SHMT1: variants seen among roughly 807,000 people sequenced by gnomAD.
The protein encoded by SHMT1 is serine hydroxymethyltransferase 1.
A neutral mutation model predicts 49.0 loss-of-function variants in SHMT1; 45 were observed. That is an observed-to-expected ratio of 0.92 (90% CI 0.72 to 1.18). SHMT1 has a LOEUF of 1.18. Ranked by LOEUF, SHMT1 falls within the 50% of genes most tolerant of loss-of-function variation. The pLI is 0.00. For missense variants in SHMT1, 541 were observed against 612.4 expected (o/e 0.88, Z 1.23); for synonymous variants, 232 against 246.6 (o/e 0.94, Z 0.55).
chr17:18,348,199 C>T (rs762441672), intron 4 of SHMT1, 126 bp downstream of exon 4: 47 of 734,720 alleles, frequency 6.4e-5, no homozygotes, highest in South Asian at 6.1e-4. Flanking sequence ...GGATTACAGG[C>T]GTGAGCCACT....
At chr17:18,355,271 G>A (rs1257842680) in intron 2 of SHMT1, among the ~76,000 whole-genome samples, 3 of 145,348 alleles carry the variant, frequency 2.1e-5, no homozygotes, top group East Asian at 2.1e-4. Context: ...TCAGGAGGCT[G>A]AGGCAGGAGA....
At chr17:18,339,674 C>T (rs1224120168) in intron 7 of SHMT1, among the ~76,000 whole-genome samples, 1 of 152,172 alleles carries the variant, frequency 6.6e-6, no homozygotes, top group Non-Finnish European at 1.5e-5. Context: ...CATTCTCCTG[C>T]CTTCGCCTCC....
chr17:18,361,406 A>G (rs1438914271), intron 1 of SHMT1, among the ~76,000 whole-genome samples: 2 of 150,252 alleles, frequency 1.3e-5, no homozygotes, highest in Non-Finnish European at 3.0e-5. Context: ...TGAACCAGTG[A>G]GGTAGAGATT....
At chr17:18,329,862 GT>G (rs963117083) in intron 10 of SHMT1, among the ~76,000 whole-genome samples, 1 of 151,420 alleles carries the variant, frequency 6.6e-6, no homozygotes, top group Non-Finnish European at 1.5e-5. Context: ...TCCATTTTTT[GT>G]TTTTGTTTTT....
chr17:18,344,922 G>A (rs1446331783), intron 5 of SHMT1, among the ~76,000 whole-genome samples: 1 of 152,234 alleles, frequency 6.6e-6, no homozygotes, highest in Non-Finnish European at 1.5e-5. Context: ...GAAGGTGGAG[G>A]CAGGCGGTCT....
Position 18,337,650 on chromosome 17 carries a change from T to C in SHMT1, c.815-1975A>G, listed in dbSNP as rs1328636859. 3.4e-5 allele frequency among the ~76,000 whole-genome samples: 5 copies of C among 146,904 alleles called. No individual in the cohort carries two copies. The South Asian group carries it at 6.9e-4, about 20-fold the overall frequency. On this transcript the variant is annotated intron_variant, in intron 7 of 11. Coordinates refer to ENST00000316694, the MANE Select transcript of SHMT1 (RefSeq NM_004169.5). ...GAAGCTGGACTGTACTGCCGCCATC[T>C]CGGCTCACTGCAACCTCCCTGCCTG...
Position 18,336,668 on chromosome 17 carries a change from G to A in SHMT1, c.815-993C>T, listed in dbSNP as rs148139070. ...GCGACAAGAGCAAAACTCCATCTCC[G>A]GGGAAAAAAAAAGTCCATGTAATCC... is the stretch of plus-strand genomic sequence containing the variant. On this transcript the variant is annotated intron_variant, in intron 7 of 11. Coordinates refer to ENST00000316694, the MANE Select transcript of SHMT1 (RefSeq NM_004169.5). 7.3e-3 allele frequency among the ~76,000 whole-genome samples: 1,111 copies of A among 151,320 alleles called. 7 individuals are homozygous for A. The highest frequency in any genetic ancestry group is 0.013 in the Non-Finnish European group (855 of 67,822).
intron 8 of SHMT1, among the ~76,000 whole-genome samples, chr17:18,334,601 T>C (rs766130146): frequency 6.6e-6 from 1 of 152,126 alleles, no homozygotes. Flanking sequence ...AGGTAGGAGG[T>C]GCAGCCTTCG....
chr17:18,340,653 G>T lies in SHMT1; in HGVS notation c.601+79C>A. The T allele has an allele frequency of 7.9e-7, 1 of 1,269,000 alleles. No individual in the cohort carries two copies. The highest frequency in any genetic ancestry group is 1.1e-6 in the Non-Finnish European group (1 of 887,802). The allele number at this position is 1,269,000 out of a possible 1,614,324, so 78.6% of individuals were successfully genotyped here. A position where few individuals can be genotyped will look rare whatever the true frequency, so the allele number is the denominator to read the frequency against. ...AAACTAGCAGTGGGCTCAACAGGGT[G>T]CGAACATCTTTCCATCCTCATTCTG... On this transcript the variant is annotated intron_variant, in intron 6 of 11. Transcript: ENST00000316694. The surrounding 1 kb of genome is among the most constrained non-coding windows in gnomAD (Gnocchi z 4.5).
intron 9 of SHMT1, chr17:18,332,788 C>T (rs1218588412): frequency 2.1e-5 from 7 of 332,482 alleles, no homozygotes; most frequent in Non-Finnish European, 3.6e-5. Context: ...TGAGAGAAGA[C>T]ACTCCCCTGG....
At chr17:18,353,465 T>C (rs1037347438) in intron 3 of SHMT1, 20 of 639,240 alleles carry the variant, frequency 3.1e-5, no homozygotes, top group Non-Finnish European at 2.8e-5. Flanking sequence ...AACTGTGAAA[T>C]GTGCCCCTGA....
intron 10 of SHMT1, 66 bp from the exon 11 acceptor site, chr17:18,329,454 A>C: frequency 7.7e-7 from 1 of 1,302,828 alleles, no homozygotes; most frequent in South Asian, 1.2e-5. Flanking sequence ...GTGCATTTAA[A>C]AAGGGACATG....
rs139514560 is a variant in SHMT1 at position 18,341,823 on chromosome 17, G to A, written c.520-1010C>T. Among the ~76,000 whole-genome samples the A allele has an allele frequency of 2.0e-5, 3 of 152,194 alleles. No individual in the cohort carries two copies. In the East Asian group the frequency reaches 5.8e-4, roughly 29 times the overall value. ...CAAATTATAGTAATTAAGGCAGCAC[G>A]CATTCATGGAAGGGCAGAGCATCTG... On this transcript the variant is annotated intron_variant, in intron 5 of 11. Transcript: ENST00000316694.
At position 18,330,668 on chromosome 17, in the gene SHMT1, C is replaced by T; in HGVS notation, c.1058G>A (p.Gly353Asp). 1.2e-6 allele frequency: 2 copies of T among 1,610,538 alleles called. No individual in the cohort carries two copies. Among genetic ancestry groups the T allele is most frequent in the Non-Finnish European group, 1.7e-6 (2 of 1,176,766 alleles). ...CACAAGGATCAAATGGTTGTCAGAA[C>T]CACCTGGAAACAAAGTTGGACATGT... ...TELGYKIVTGGSDNHLILVDL... is the reference protein window; with the variant it reads ...TELGYKIVTGDSDNHLILVDL... The change falls in exon 10 of 12, where the codon GGT becomes GAT. Residue 353 changes from glycine (G) to aspartate (D), a missense_variant. Transcript: ENST00000316694.
At chr17:18,357,360 TGGCAGGGAACTG>T (rs1986341523) in intron 1 of SHMT1, among the ~76,000 whole-genome samples, 1 of 151,206 alleles carries the variant, frequency 6.6e-6, no homozygotes, top group Admixed American at 6.6e-5. Flanking sequence ...ACAATTCCAC[TGGCAGGGAACTG>T]GCAGGCCCTC....
intron 8 of SHMT1, among the ~76,000 whole-genome samples, chr17:18,334,662 G>C (rs895123952): frequency 1.9e-4 from 29 of 152,214 alleles, no homozygotes; most frequent in African/African-American, 6.7e-4. Flanking sequence ...TCAATCCTGA[G>C]GGCTGCTTCA....
rs1275279142 is a variant in SHMT1 at position 18,328,010 on chromosome 17, G to A, written c.*740C>T. The A allele has an allele frequency of 6.6e-6, 1 of 152,588 alleles. No individual in the cohort carries two copies. The highest frequency in any genetic ancestry group is 6.5e-5 in the Admixed American group (1 of 15,276). 9.5% of individuals were successfully genotyped at this position (152,588 alleles called of 1,614,324 possible). ...GTGCTTATTAAAAATGGTCATCTAT[G>A]TTTTGCACTTCAGCTACGTGAAAAT... On this transcript the variant is annotated 3_prime_UTR_variant, in exon 12 of 12. Coordinates refer to ENST00000316694, the MANE Select transcript of SHMT1 (RefSeq NM_004169.5).
chr17:18,328,838 T>G lies in SHMT1; in HGVS notation c.1364A>C (p.Asp455Ala), dbSNP rs1982846819. ...AGCCTGCACGGCCGCCTGGTACTTA[T>G]CCCCTGCCAGTCTCTCCTTGAACTC... ...LKEFKERLAG[D>A]KYQAAVQALR... Residue 455 changes from aspartate to alanine, a missense_variant, in exon 12 of 12, where the codon GAT (aspartate) becomes GCT (alanine). Physicochemically the swap from Asp to Ala is moderately radical, Grantham distance 126. Coordinates refer to ENST00000316694, the MANE Select transcript of SHMT1 (RefSeq NM_004169.5). 6.2e-7 allele frequency: 1 copy of G among 1,613,638 alleles called. No individual in the cohort carries two copies.
intron 7 of SHMT1, among the ~76,000 whole-genome samples, chr17:18,338,169 C>T (rs1475013668): frequency 6.6e-6 from 1 of 151,144 alleles, no homozygotes; most frequent in Non-Finnish European, 1.5e-5. Flanking sequence ...ATGTGGGGAG[C>T]GCCTCTGCCC....
Sources: allele counts gnomAD v4.1 joint callset (sites outside exome capture counted in the v4.1 genomes callset), GRCh38; gene constraint gnomAD v4.1.1; non-coding constraint Gnocchi (gnomAD v3.1); transcripts MANE v1.5; gene names NCBI Gene and HGNC (gene_info 2026-07-23, HGNC 2026-07-21).